The following SYT1 variants were observed in gnomAD, a reference collection of about 807,000 sequenced individuals.
SYT1 encodes synaptotagmin-1.
A neutral mutation model predicts 44.8 loss-of-function variants in SYT1; 8 were observed. That is an observed-to-expected ratio of 0.18 (90% CI 0.10 to 0.32). The LOEUF is 0.32. Among genes scored for constraint, SYT1 ranks in the 10% least tolerant of loss-of-function variants. SYT1 has a pLI of 1.00. For synonymous variants in SYT1, 154 were observed against 188.8 expected, an observed-to-expected ratio of 0.82 and a Z score of 1.51; for missense variants, 286 against 509.3, an observed-to-expected ratio of 0.56 and a Z score of 4.22.
At chr12:79,249,088 C>CTTTTTTTTTTTTTTTTTTT (rs58983623) in intron 4 of SYT1, among the ~76,000 whole-genome samples, 2 of 71,816 alleles carry the variant, frequency 2.8e-5, no homozygotes, top group African/African-American at 6.2e-5. Flanking sequence ...TTACCTCTTT[C>CTTTTTTTTTTTTTTTTTTT]TTTTTTTTTT....
intron 3 of SYT1, among the ~76,000 whole-genome samples, chr12:79,125,337 G>A (rs1230182147): frequency 1.3e-5 from 2 of 151,824 alleles, no homozygotes; most frequent in African/African-American, 2.4e-5. Context: ...GAGGCTGGGC[G>A]CAGTAGCACG....
intron 2 of SYT1, among the ~76,000 whole-genome samples, chr12:79,020,219 T>C (rs1872098101): frequency 6.6e-6 from 1 of 152,018 alleles, no homozygotes; most frequent in Non-Finnish European, 1.5e-5. Context: ...CAGCTTATTT[T>C]CCAACATTTA....
chr12:78,961,755 A>G (rs956303937), intron 1 of SYT1, among the ~76,000 whole-genome samples: 1 of 152,178 alleles, frequency 6.6e-6, no homozygotes, highest in Admixed American at 6.5e-5. Flanking sequence ...AGAAGATATA[A>G]GCTGTATAAT....
intron 3 of SYT1, among the ~76,000 whole-genome samples, chr12:79,215,394 T>C (rs1874724196): frequency 6.6e-6 from 1 of 152,116 alleles, no homozygotes; most frequent in South Asian, 2.1e-4. Context: ...TTCATACTCA[T>C]AAAAACCTTA....
At chr12:79,227,710 C>T (rs1160998159) in intron 4 of SYT1, among the ~76,000 whole-genome samples, 1 of 152,126 alleles carries the variant, frequency 6.6e-6, no homozygotes, top group East Asian at 1.9e-4. Flanking sequence ...CAGTTTCCTC[C>T]TATATAAAAT....
intron 9 of SYT1, among the ~76,000 whole-genome samples, chr12:79,432,578 G>A (rs963471958): frequency 2.6e-5 from 4 of 152,134 alleles, no homozygotes; most frequent in Admixed American, 2.6e-4. Context: ...TAGGAAGGGG[G>A]TAGCACAGGG....
chr12:79,291,466 CA>C (rs1470382735), intron 5 of SYT1, among the ~76,000 whole-genome samples: 1 of 152,054 alleles, frequency 6.6e-6, no homozygotes, highest in Non-Finnish European at 1.5e-5. Context: ...TCCTCTTTTT[CA>C]TACCATGATA....
chr12:79,052,282 C>G (rs1483001125), intron 3 of SYT1, among the ~76,000 whole-genome samples: 6 of 152,018 alleles, frequency 3.9e-5, no homozygotes, highest in African/African-American at 1.2e-4. Context: ...ATAAATGGTG[C>G]TGGGAAAACT....
intron 1 of SYT1, among the ~76,000 whole-genome samples, chr12:78,874,351 G>A (rs1873960589): frequency 6.6e-6 from 1 of 151,450 alleles, no homozygotes; most frequent in African/African-American, 2.4e-5. Flanking sequence ...AAGAGGTAGA[G>A]GTACCCAAAA....
At chr12:79,017,041 A>G (rs955217454) in intron 2 of SYT1, among the ~76,000 whole-genome samples, 2 of 152,142 alleles carry the variant, frequency 1.3e-5, no homozygotes, top group Non-Finnish European at 2.9e-5. Context: ...TTGACCTATT[A>G]GAAATCCCTG....
chr12:78,916,940 C>G (rs1262389514), intron 1 of SYT1, among the ~76,000 whole-genome samples: 2 of 151,856 alleles, frequency 1.3e-5, no homozygotes, highest in African/African-American at 2.4e-5. Flanking sequence ...AAAGCATTTA[C>G]AATTGTCCCT....
At chr12:78,961,789 T>TGGTA (rs1406794176) in intron 1 of SYT1, among the ~76,000 whole-genome samples, 1 of 152,110 alleles carries the variant, frequency 6.6e-6, no homozygotes, top group Non-Finnish European at 1.5e-5. Context: ...TTGTTGAACA[T>TGGTA]GGTATCCTTT....
intron 1 of SYT1, among the ~76,000 whole-genome samples, chr12:78,903,957 A>T (rs541753663): frequency 5.3e-5 from 8 of 152,100 alleles, no homozygotes; most frequent in African/African-American, 1.9e-4. Flanking sequence ...ATATTATTAA[A>T]GAATCACAGT....
At chr12:79,364,533 C>T (rs762886973) in intron 9 of SYT1, among the ~76,000 whole-genome samples, 4 of 152,046 alleles carry the variant, frequency 2.6e-5, no homozygotes, top group Non-Finnish European at 4.4e-5. Flanking sequence ...CTAAATTTTG[C>T]GGTACATCAT....
At chr12:79,313,277 A>G (rs1338667222) in intron 8 of SYT1, among the ~76,000 whole-genome samples, 4 of 152,298 alleles carry the variant, frequency 2.6e-5, no homozygotes, top group Admixed American at 2.0e-4. Flanking sequence ...GAACTTTCTA[A>G]TTCTATTGAA....
At position 78,949,152 on chromosome 12, in the gene SYT1, T is replaced by A. The variant is rs537130560; in HGVS notation, c.-216-28647T>A. On this transcript the variant is annotated intron_variant, in intron 1 of 10. Transcript: ENST00000261205. ...AATTATAGGAAAGAAATGGTATACC[T>A]CTGAGCTAATATGAGAACACATATT... Among the ~76,000 whole-genome samples the A allele has an allele frequency of 9.9e-5, 15 of 151,686 alleles. No homozygotes were observed. The South Asian group carries it at 1.0e-3, about 11-fold the overall frequency.
chr12:79,254,563 C>T (rs1877408115), intron 4 of SYT1, among the ~76,000 whole-genome samples: 1 of 152,194 alleles, frequency 6.6e-6, no homozygotes, highest in Non-Finnish European at 1.5e-5. Flanking sequence ...TTTTAACTTT[C>T]AAGCCTTATT....
intron 2 of SYT1, among the ~76,000 whole-genome samples, chr12:79,015,931 C>G (rs570331181): frequency 1.2e-3 from 185 of 152,154 alleles, no homozygotes; most frequent in Non-Finnish European, 2.0e-3. Context: ...ACAGTGAGTC[C>G]ACAGCAGATC....
intron 1 of SYT1, among the ~76,000 whole-genome samples, chr12:78,926,066 C>A (rs1251127980): frequency 6.6e-6 from 1 of 151,830 alleles, no homozygotes. Flanking sequence ...TTTAGTGGTG[C>A]CTTAAATGTG....
Sources: allele counts gnomAD v4.1 joint callset (sites outside exome capture counted in the v4.1 genomes callset), GRCh38; gene constraint gnomAD v4.1.1; transcripts MANE v1.5; gene names NCBI Gene and HGNC (gene_info 2026-07-23, HGNC 2026-07-21).